The following KANSL2 variants were observed in gnomAD, a reference collection of about 807,000 sequenced individuals.
KANSL2 encodes the protein KAT8 regulatory NSL complex subunit 2, also known as NSL complex protein NSL2.
Under a neutral mutation model 55.6 loss-of-function variants are expected in KANSL2, and 34 were observed. The observed-to-expected ratio is 0.61, with a 90% CI of 0.46 to 0.81. The LOEUF (loss-of-function observed/expected upper bound fraction) is 0.81. Ranked by LOEUF, KANSL2 falls within the 40% of genes least tolerant of loss-of-function variation. KANSL2 has a pLI of 0.00. For synonymous variants in KANSL2, 209 were observed against 214.3 expected (o/e 0.98, Z 0.22); for missense variants, 502 against 609.9 (o/e 0.82, Z 1.86).
At chr12:48,675,263 G>A (rs1334633247) in intron 4 of KANSL2, among the ~76,000 whole-genome samples, 35 of 151,790 alleles carry the variant, frequency 2.3e-4, no homozygotes, top group Non-Finnish European at 7.4e-5. Flanking sequence ...GAAATTAGCC[G>A]GGCACAGCGG....
At chr12:48,679,290 T>C (rs1403162729) in intron 3 of KANSL2, 140 bp from the exon 4 acceptor site, 4 of 710,184 alleles carry the variant, frequency 5.6e-6, no homozygotes, top group African/African-American at 1.8e-5. Flanking sequence ...ACAAAGGTAC[T>C]GGCAAATAAA....
chr12:48,669,547 T>C (rs1939667913), intron 5 of KANSL2, among the ~76,000 whole-genome samples: 1 of 151,856 alleles, frequency 6.6e-6, no homozygotes, highest in Non-Finnish European at 1.5e-5. Context: ...AGGCACAGTC[T>C]CGCTCTGTTG....
chr12:48,658,339 T>C (rs1453861745), intron 8 of KANSL2, among the ~76,000 whole-genome samples: 1 of 152,058 alleles, frequency 6.6e-6, no homozygotes, highest in African/African-American at 2.4e-5. Context: ...TTCTCATATA[T>C]ACAAAGGGTT....
chr12:48,666,521 C>A (rs61942049), intron 7 of KANSL2, among the ~76,000 whole-genome samples: 1 of 151,626 alleles, frequency 6.6e-6, no homozygotes, highest in Admixed American at 6.6e-5. Flanking sequence ...GGTGAAACCC[C>A]ATCTCTACTA....
At chr12:48,661,831 T>C (rs1939493035) in intron 7 of KANSL2, among the ~76,000 whole-genome samples, 1 of 152,196 alleles carries the variant, frequency 6.6e-6, no homozygotes, top group African/African-American at 2.4e-5. Context: ...ATCCACTAGC[T>C]GTCAGTAGCA....
chr12:48,666,527 T>C (rs1939604031), intron 7 of KANSL2, among the ~76,000 whole-genome samples: 1 of 151,870 alleles, frequency 6.6e-6, no homozygotes, highest in African/African-American at 2.4e-5. Context: ...ACCCCATCTC[T>C]ACTAAAAATA....
chr12:48,669,329 C>A, intron 5 of KANSL2, 57 bp from the exon 6 acceptor site: 1 of 1,365,944 alleles, frequency 7.3e-7, no homozygotes, highest in Non-Finnish European at 9.8e-7. Flanking sequence ...GGTTACGTCT[C>A]CAAGTCAACA....
In KANSL2 at chr12:48,667,588, G is replaced by A. The variant is rs748159521; in HGVS notation, c.973+105C>T. 1.5e-4 allele frequency: 140 copies of A among 922,386 alleles called. 1 individual carries two copies. Among genetic ancestry groups the A allele is most frequent in the Non-Finnish European group, 3.2e-5 (18 of 556,290 alleles). 57.1% of individuals were successfully genotyped at this position (922,386 alleles called of 1,614,324 possible). A position where few individuals can be genotyped will look rare whatever the true frequency, so the allele number is the denominator to read the frequency against. ...CAGCAAACTGCTGGCCTTGATTCAG[G>A]GCCAAAGGAAAACAAAATCCTTCAA... On this transcript the variant is annotated intron_variant, in intron 7 of 9. Transcript: ENST00000420613.
intron 8 of KANSL2, among the ~76,000 whole-genome samples, chr12:48,658,161 G>T (rs143170241): frequency 0.016 from 2,483 of 152,184 alleles, 28 homozygotes; most frequent in Non-Finnish European, 0.024. Flanking sequence ...AACCCAGGAG[G>T]CAGACAGTGC....
chr12:48,675,418 T>TC (rs1432929326), intron 4 of KANSL2, among the ~76,000 whole-genome samples: 3 of 152,104 alleles, frequency 2.0e-5, no homozygotes, highest in Non-Finnish European at 4.4e-5. Flanking sequence ...AATAAATACA[T>TC]AACGGTTTCA....
Position 48,655,264 on chromosome 12 carries a change from T to C in KANSL2, c.1228-204A>G, listed in dbSNP as rs568454710. ...AGCTTTTGCTGCCAAGTGTAAAACA[T>C]AGACCAATACAGTAGATTAAAAAAC... On this transcript the variant is annotated intron_variant, in intron 8 of 9. Transcript: ENST00000420613. Among the ~76,000 whole-genome samples, 8 of 152,138 alleles carry C rather than the reference T, an allele frequency of 5.3e-5. 1 individual carries two copies. The highest frequency in any genetic ancestry group is 6.8e-3 in the Middle Eastern group (2 of 294).
chr12:48,669,478 T>C (rs748821646), intron 5 of KANSL2, among the ~76,000 whole-genome samples: 15 of 152,182 alleles, frequency 9.9e-5, no homozygotes, highest in Non-Finnish European at 1.9e-4. Context: ...TGACCATACA[T>C]ACTATGGTGG....
chr12:48,677,825 G>A (rs1030504840), intron 4 of KANSL2, among the ~76,000 whole-genome samples: 2 of 147,500 alleles, frequency 1.4e-5, no homozygotes, highest in African/African-American at 5.0e-5. Flanking sequence ...TGAATATGTT[G>A]GTTTAAGTTA....
At chr12:48,654,890 C>A (rs1480510876) in intron 9 of KANSL2, 51 bp downstream of exon 9, 6 of 1,545,742 alleles carry the variant, frequency 3.9e-6, no homozygotes, top group African/African-American at 2.7e-5. Flanking sequence ...GAACCCTCTG[C>A]CTGGCCAGGT....
Position 48,654,018 on chromosome 12 carries a change from C to T in KANSL2, c.*26G>A. 2 of 1,552,712 alleles carry T rather than the reference C, an allele frequency of 1.3e-6. No homozygotes were observed. The stretch of plus-strand genomic sequence containing the variant: ...TTGAAGAACGAGAAATTTAAATCCA[C>T]CAAAGTAAAATGGTTCCCCAAACTA... On this transcript the variant is annotated 3_prime_UTR_variant, in exon 10 of 10. Transcript: ENST00000420613.
In KANSL2 at chr12:48,679,094, T is replaced by C; in HGVS notation, c.487A>G (p.Arg163Gly). 1 of 1,613,916 alleles carries C rather than the reference T, an allele frequency of 6.2e-7. No homozygotes were observed. Among genetic ancestry groups the C allele is most frequent in the Admixed American group, 1.7e-5 (1 of 60,016 alleles). ...TCAGCTTCACTGTCAGGGTCACCTC[T>C]CCATGTCTGATCCACAGTAATGGGT... Reference protein sequence around the residue: ...QEPITVDQTWRGDPDSEADSI... With the variant: ...QEPITVDQTWGGDPDSEADSI... The change falls in exon 4 of 10, where the codon AGA (arginine) becomes GGA (glycine). Residue 163 changes from arginine to glycine, a missense_variant. Arg to Gly is a moderately radical substitution (Grantham distance 125). Transcript: ENST00000420613.
chr12:48,677,019 T>C (rs1484658066), intron 4 of KANSL2, among the ~76,000 whole-genome samples: 1 of 152,134 alleles, frequency 6.6e-6, no homozygotes, highest in Non-Finnish European at 1.5e-5. Flanking sequence ...TATTATTAAA[T>C]ATAAGAAGAT....
chr12:48,682,045 G>A (rs998864634), intron 1 of KANSL2, 142 bp downstream of exon 1: 5 of 702,918 alleles, frequency 7.1e-6, no homozygotes, highest in Non-Finnish European at 1.3e-5. Flanking sequence ...CCAGTCACCG[G>A]AGATCCTGGC....
intron 1 of KANSL2, chr12:48,681,963 C>T (rs1939936614): frequency 4.3e-6 from 3 of 702,854 alleles, no homozygotes; most frequent in Non-Finnish European, 7.8e-6. Context: ...CGCCTTTGTC[C>T]CGGCCTGCCT....
Sources: allele counts gnomAD v4.1 joint callset (sites outside exome capture counted in the v4.1 genomes callset), GRCh38; gene constraint gnomAD v4.1.1; transcripts MANE v1.5; gene names NCBI Gene and HGNC (gene_info 2026-07-23, HGNC 2026-07-21).